GRID2: variants seen among roughly 807,000 people sequenced by gnomAD.
The protein encoded by GRID2 is glutamate receptor ionotropic, delta-2.
A neutral mutation model predicts 114.8 loss-of-function variants in GRID2; 33 were observed. The observed-to-expected ratio is 0.29, with a 90% CI of 0.22 to 0.38. The LOEUF (loss-of-function observed/expected upper bound fraction) is 0.38. Ranked by LOEUF, GRID2 falls within the 10% of genes least tolerant of loss-of-function variation. GRID2 has a pLI of 1.00. For missense variants in GRID2, 1,184 were observed against 1,257.7 expected, an observed-to-expected ratio of 0.94 and a Z score of 0.89; for synonymous variants, 505 against 449.9, an observed-to-expected ratio of 1.12 and a Z score of -1.55.
intron 2 of GRID2, among the ~76,000 whole-genome samples, chr4:92,909,154 T>C (rs980342990): frequency 1.3e-5 from 2 of 152,138 alleles, no homozygotes; most frequent in Non-Finnish European, 2.9e-5. Context: ...TTTAAGTAAT[T>C]AGTGTCCTAA....
chr4:92,944,451 G>A (rs952961812), intron 2 of GRID2, among the ~76,000 whole-genome samples: 3 of 152,168 alleles, frequency 2.0e-5, no homozygotes, highest in South Asian at 2.1e-4. Context: ...GGAGTGACCC[G>A]ATTTTCCAGG....
At chr4:93,717,286 C>A (rs114811076) in intron 14 of GRID2, among the ~76,000 whole-genome samples, 361 of 152,076 alleles carry the variant, frequency 2.4e-3, no homozygotes, top group Middle Eastern at 0.021. Context: ...GAAGTATTTT[C>A]TCAGTTTTAG....
chr4:93,030,877 AAG>A (rs916907957), intron 2 of GRID2, among the ~76,000 whole-genome samples: 6 of 152,064 alleles, frequency 3.9e-5, no homozygotes, highest in East Asian at 1.9e-4. Context: ...AGGAATGGGA[AAG>A]AGAGAAGAGG....
At chr4:93,420,632 A>G (rs1243550399) in intron 9 of GRID2, among the ~76,000 whole-genome samples, 1 of 152,086 alleles carries the variant, frequency 6.6e-6, no homozygotes, top group African/African-American at 2.4e-5. Context: ...TGATCTAATG[A>G]TCTTCAATAT....
intron 2 of GRID2, among the ~76,000 whole-genome samples, chr4:92,670,864 A>G (rs530197164): frequency 2.0e-5 from 3 of 152,226 alleles, no homozygotes; most frequent in Admixed American, 2.0e-4. Flanking sequence ...GAGACTGTTC[A>G]ACTTCAAAAT....
At chr4:92,492,855 G>A (rs962605738) in intron 1 of GRID2, among the ~76,000 whole-genome samples, 2 of 152,016 alleles carry the variant, frequency 1.3e-5, no homozygotes, top group African/African-American at 2.4e-5. Context: ...TAGGCCAGGC[G>A]CAGTGGCTCA....
intron 10 of GRID2, among the ~76,000 whole-genome samples, chr4:93,452,560 A>G (rs981230909): frequency 5.9e-5 from 9 of 152,112 alleles, no homozygotes; most frequent in African/African-American, 9.7e-5. Context: ...AGAGAGATTG[A>G]TACATTTAAT....
chr4:92,319,209 AT>A (rs1188468635), intron 1 of GRID2, among the ~76,000 whole-genome samples: 1 of 152,140 alleles, frequency 6.6e-6, no homozygotes, highest in Non-Finnish European at 1.5e-5. Flanking sequence ...TATGCATGTT[AT>A]TCTTGGTTTG....
At chr4:93,381,665 C>CTTTTACATT in intron 8 of GRID2, among the ~76,000 whole-genome samples, 1 of 152,084 alleles carries the variant, frequency 6.6e-6, no homozygotes. Flanking sequence ...AAAACTCTCT[C>CTTTTACATT]TTTTACATTT....
At chr4:92,859,098 A>C (rs528818941) in intron 2 of GRID2, among the ~76,000 whole-genome samples, 2 of 152,266 alleles carry the variant, frequency 1.3e-5, no homozygotes, top group East Asian at 3.9e-4. Context: ...TTGTGAAAGA[A>C]AGAAAGAATC....
At chr4:93,445,002 A>G (rs989664084) in intron 10 of GRID2, among the ~76,000 whole-genome samples, 6 of 152,054 alleles carry the variant, frequency 3.9e-5, no homozygotes, top group African/African-American at 1.4e-4. Flanking sequence ...GACTTCCCAC[A>G]ATATGAATTT....
intron 1 of GRID2, among the ~76,000 whole-genome samples, chr4:92,388,680 T>A (rs1290358072): frequency 6.6e-6 from 1 of 151,990 alleles, no homozygotes; most frequent in Admixed American, 6.6e-5. Flanking sequence ...ACTCCCTACT[T>A]CCGTAGCATT....
chr4:92,648,940 GAC>G (rs1026312748), intron 2 of GRID2, among the ~76,000 whole-genome samples: 19 of 139,420 alleles, frequency 1.4e-4, no homozygotes, highest in Admixed American at 7.9e-4. Context: ...TTTCTTTAGA[GAC>G]AATTATTTAT....
At chr4:93,574,182 C>T (rs1195536778) in intron 13 of GRID2, among the ~76,000 whole-genome samples, 1 of 152,168 alleles carries the variant, frequency 6.6e-6, no homozygotes, top group African/African-American at 2.4e-5. Flanking sequence ...TTGAATTGTA[C>T]TTCCTCCAGC....
intron 8 of GRID2, among the ~76,000 whole-genome samples, chr4:93,307,900 C>A (rs1182923540): frequency 6.6e-6 from 1 of 151,208 alleles, no homozygotes; most frequent in Admixed American, 6.6e-5. Flanking sequence ...GATAGTTTTA[C>A]AAACACAAAT....
intron 2 of GRID2, among the ~76,000 whole-genome samples, chr4:93,008,639 G>C (rs758696424): frequency 6.6e-6 from 1 of 152,080 alleles, no homozygotes; most frequent in Non-Finnish European, 1.5e-5. Flanking sequence ...AGTAGACATG[G>C]CAGTATTGCT....
chr4:93,448,870 C>G (rs1325829108), intron 10 of GRID2, among the ~76,000 whole-genome samples: 1 of 20,284 alleles, frequency 4.9e-5, no homozygotes, highest in African/African-American at 2.4e-4. Flanking sequence ...CCCTTCCCTT[C>G]CCCTTCCCTT....
intron 14 of GRID2, among the ~76,000 whole-genome samples, chr4:93,719,537 A>G (rs1360924604): frequency 1.3e-5 from 2 of 152,108 alleles, no homozygotes; most frequent in Non-Finnish European, 2.9e-5. Context: ...CAGAAGGGCT[A>G]CTTCCGCTCA....
intron 1 of GRID2, among the ~76,000 whole-genome samples, chr4:92,308,051 T>C (rs1235940612): frequency 3.3e-5 from 5 of 152,188 alleles, no homozygotes; most frequent in Non-Finnish European, 7.4e-5. Context: ...CTCTGATTTA[T>C]GTAGCTAGAA....
Sources: gnomAD v4.1 joint callset for allele counts (sites outside exome capture counted in the v4.1 genomes callset) on GRCh38, gnomAD v4.1.1 for gene constraint, MANE v1.5 for transcripts, NCBI Gene and HGNC (gene_info 2026-07-23, HGNC 2026-07-21) for gene names.